USP34: variants seen among roughly 807,000 people sequenced by gnomAD.
USP34 encodes ubiquitin specific peptidase 34.
A neutral mutation model predicts 460.3 loss-of-function variants in USP34; 70 were observed. The observed-to-expected ratio is 0.15, with a 90% CI of 0.13 to 0.19. USP34 has a LOEUF of 0.19. USP34 is among the 10% of genes least tolerant of loss of function. The pLI is 1.00. For synonymous variants in USP34, 1,647 were observed against 1,405.3 expected (o/e 1.17, Z -3.85); for missense variants, 3,985 against 4,236.2 (o/e 0.94, Z 1.65).
chr2:61,383,582 A>G, intron 5 of USP34, among the ~76,000 whole-genome samples: 1 of 152,038 alleles, frequency 6.6e-6, no homozygotes, highest in South Asian at 2.1e-4. Flanking sequence ...GCGCACCTGT[A>G]GTCCCAGCTA....
At chr2:61,437,022 C>T (rs1200341209) in intron 1 of USP34, among the ~76,000 whole-genome samples, 1 of 152,052 alleles carries the variant, frequency 6.6e-6, no homozygotes, top group South Asian at 2.1e-4. Context: ...CACGTCAAAG[C>T]CTGTGGGATA....
intron 1 of USP34, among the ~76,000 whole-genome samples, chr2:61,469,048 A>G (rs1695868281): frequency 6.6e-6 from 1 of 152,122 alleles, no homozygotes; most frequent in Non-Finnish European, 1.5e-5. Context: ...CTCTACCAAA[A>G]ATACAAAAAT....
intron 10 of USP34, among the ~76,000 whole-genome samples, chr2:61,357,198 G>A (rs1026930109): frequency 1.3e-5 from 2 of 152,114 alleles, no homozygotes; most frequent in African/African-American, 4.8e-5. Context: ...TAGACCACAA[G>A]TCTCAACAGA....
At position 61,190,648 on chromosome 2, in the gene USP34, G is replaced by T; in HGVS notation, c.9599C>A (p.Ser3200Ter). ...TELCQTQSAM[S>*]KNCIKLLCED... Reference sequence around the variant, plus strand: ...ACACAAAAGCTTGATGCAGTTTTTTGACATAGCAGACTAAAGTGGGGAGAA... The same window carrying T: ...ACACAAAAGCTTGATGCAGTTTTTTTACATAGCAGACTAAAGTGGGGAGAA... Residue 3200 changes from serine (S) to a stop codon, truncating the protein, a stop_gained, in exon 77 of 80, where the codon TCA becomes TAA. Transcript: ENST00000398571. LOFTEE classifies it high-confidence loss of function. The T allele has an allele frequency of 6.2e-7, 1 of 1,613,288 alleles. No individual in the cohort carries two copies. Among genetic ancestry groups the T allele is most frequent in the South Asian group, 1.1e-5 (1 of 90,944 alleles).
chr2:61,431,129 G>C (rs891826940), intron 1 of USP34, among the ~76,000 whole-genome samples: 1 of 152,238 alleles, frequency 6.6e-6, no homozygotes, highest in African/African-American at 2.4e-5. Context: ...TTAATGAACA[G>C]AGAATTATAC....
At chr2:61,410,403 T>C (rs1694003066) in intron 2 of USP34, among the ~76,000 whole-genome samples, 2 of 152,130 alleles carry the variant, frequency 1.3e-5, no homozygotes, top group African/African-American at 2.4e-5. Flanking sequence ...GGAGTTCAGG[T>C]GGTAATGTGA....
chr2:61,203,330 T>G (rs1687027381), intron 74 of USP34, 67 bp from the exon 75 acceptor site: 1 of 1,344,098 alleles, frequency 7.4e-7, no homozygotes, highest in Non-Finnish European at 9.6e-7. Context: ...TTTGTGCAAA[T>G]GTAATAAGTT....
At chr2:61,271,153 TAGCTGGGTGTGGTGAC>T (rs1210518303) in intron 41 of USP34, among the ~76,000 whole-genome samples, 4 of 151,980 alleles carry the variant, frequency 2.6e-5, no homozygotes, top group African/African-American at 9.7e-5. Context: ...AACAAAAATT[TAGCTGGGTGTGGTGAC>T]ACACGCCTGT....
At chr2:61,294,909 T>C in intron 32 of USP34, 40 bp downstream of exon 32, 1 of 1,522,878 alleles carries the variant, frequency 6.6e-7, no homozygotes, top group South Asian at 1.2e-5. Context: ...TGAAGATAAA[T>C]TATTTTTATC....
At chr2:61,321,743 A>G (rs545772119) in intron 21 of USP34, among the ~76,000 whole-genome samples, 3 of 152,214 alleles carry the variant, frequency 2.0e-5, no homozygotes, top group Non-Finnish European at 2.9e-5. Flanking sequence ...CAAAGAACCC[A>G]TTTAGGAAGA....
intron 50 of USP34, 137 bp downstream of exon 50, chr2:61,246,187 G>A (rs1344063177): frequency 7.1e-6 from 4 of 562,442 alleles, no homozygotes; most frequent in Non-Finnish European, 1.1e-5. Context: ...ACTGTCTGTT[G>A]AAAGTTATCT....
chr2:61,245,336 C>A, intron 50 of USP34, 48 bp from the exon 51 acceptor site: 1 of 1,085,376 alleles, frequency 9.2e-7, no homozygotes, highest in Non-Finnish European at 1.3e-6. Context: ...TAATGAGTAT[C>A]TTCATATTAT....
intron 43 of USP34, among the ~76,000 whole-genome samples, chr2:61,261,292 TG>T (rs1688870755): frequency 6.6e-6 from 1 of 152,186 alleles, no homozygotes; most frequent in Non-Finnish European, 1.5e-5. Flanking sequence ...AAATAAAATG[TG>T]GTAAATACAA....
chr2:61,280,322 T>A lies in USP34; in HGVS notation c.5178A>T (p.Ile1726=). 5.8e-6 allele frequency: 9 copies of A among 1,548,698 alleles called. No individual in the cohort carries two copies. The highest frequency in any genetic ancestry group is 7.0e-6 in the Non-Finnish European group (8 of 1,149,430). ...AATACTCTTTACATCCTGGTTTTAA[T>A]ATTGGTTCTTCCTCATAATCATCTA... ...IRIDDYEEEP[I]LKPGCKEYFW... The change falls in exon 39 of 80, where the codon ATA becomes ATT. Residue 1726 remains isoleucine (I), a synonymous_variant. Coordinates refer to ENST00000398571, the MANE Select transcript of USP34 (RefSeq NM_014709.4).
intron 10 of USP34, among the ~76,000 whole-genome samples, chr2:61,359,776 G>GT (rs1553376154): frequency 1.4e-4 from 18 of 130,152 alleles, no homozygotes; most frequent in Admixed American, 2.5e-4. Context: ...AAAGCCCACA[G>GT]TTGTTTTTTT....
intron 49 of USP34, 123 bp downstream of exon 49, chr2:61,248,388 C>T: frequency 1.1e-6 from 1 of 940,230 alleles, no homozygotes; most frequent in South Asian, 2.0e-5. Flanking sequence ...ATTGTCTTAA[C>T]CTTCTCCCTT....
intron 59 of USP34, among the ~76,000 whole-genome samples, chr2:61,229,306 T>C (rs1373476806): frequency 6.6e-6 from 1 of 151,528 alleles, no homozygotes; most frequent in African/African-American, 2.4e-5. Flanking sequence ...AAAAAATATT[T>C]TGTAGGCAGG....
intron 5 of USP34, among the ~76,000 whole-genome samples, chr2:61,386,433 T>C (rs1486471215): frequency 6.6e-6 from 1 of 152,064 alleles, no homozygotes; most frequent in African/African-American, 2.4e-5. Context: ...GATCAAAATA[T>C]GAAAGGTAAA....
intron 21 of USP34, among the ~76,000 whole-genome samples, chr2:61,323,716 A>G (rs1690998749): frequency 6.6e-6 from 1 of 152,132 alleles, no homozygotes; most frequent in Non-Finnish European, 1.5e-5. Flanking sequence ...GAGAATCTAT[A>G]CTGTGTATAA....
Sources: allele counts gnomAD v4.1 joint callset (sites outside exome capture counted in the v4.1 genomes callset), GRCh38; gene constraint gnomAD v4.1.1; transcripts MANE v1.5; gene names NCBI Gene and HGNC (gene_info 2026-07-23, HGNC 2026-07-21).